SLC16A12: variants seen among roughly 807,000 people sequenced by gnomAD.
SLC16A12 encodes monocarboxylate transporter 12.
Under a neutral mutation model 42.4 loss-of-function variants are expected in SLC16A12, and 17 were observed. The observed-to-expected ratio is 0.40, with a 90% confidence interval of 0.27 to 0.60. The LOEUF (loss-of-function observed/expected upper bound fraction) is 0.60, where lower values mean the gene tolerates loss of function less well. SLC16A12 is among the 20% of genes least tolerant of loss of function. SLC16A12 has a pLI of 0.42. For missense variants in SLC16A12, 544 were observed against 623.0 expected, an observed-to-expected ratio of 0.87 and a Z score of 1.35; for synonymous variants, 224 against 229.4, an observed-to-expected ratio of 0.98 and a Z score of 0.21.
intron 3 of SLC16A12, among the ~76,000 whole-genome samples, chr10:89,447,129 A>G (rs961673320): frequency 6.6e-6 from 1 of 152,194 alleles, no homozygotes; most frequent in Non-Finnish European, 1.5e-5. Context: ...GAGACCTACA[A>G]AGAGACTTAG....
intron 4 of SLC16A12, among the ~76,000 whole-genome samples, chr10:89,442,853 G>A (rs1434538946): frequency 1.3e-5 from 2 of 152,122 alleles, no homozygotes; most frequent in Non-Finnish European, 2.9e-5. Flanking sequence ...GTTATTATGA[G>A]TTACTGAATA....
At chr10:89,459,105 T>C (rs1262277109) in intron 3 of SLC16A12, among the ~76,000 whole-genome samples, 1 of 152,216 alleles carries the variant, frequency 6.6e-6, no homozygotes, top group Non-Finnish European at 1.5e-5. Flanking sequence ...TGCACTAAGA[T>C]ATACATTTTA....
At chr10:89,517,978 C>T (rs1403896183) in intron 2 of SLC16A12, among the ~76,000 whole-genome samples, 2 of 152,074 alleles carry the variant, frequency 1.3e-5, no homozygotes, top group African/African-American at 2.4e-5. Flanking sequence ...AAAAAGGGCA[C>T]CTTAGACTTG....
At chr10:89,451,419 T>TC (rs1214795386) in intron 3 of SLC16A12, among the ~76,000 whole-genome samples, 2 of 150,682 alleles carry the variant, frequency 1.3e-5, no homozygotes, top group African/African-American at 2.4e-5. Context: ...TGACTGAACT[T>TC]TTTTTTTTTG....
chr10:89,460,069 T>C (rs1176653314), intron 3 of SLC16A12, among the ~76,000 whole-genome samples: 2 of 152,154 alleles, frequency 1.3e-5, no homozygotes, highest in Non-Finnish European at 2.9e-5. Context: ...TATCTTAGTA[T>C]CTCATCTAAA....
chr10:89,521,386 T>C (rs1843352748), intron 2 of SLC16A12, among the ~76,000 whole-genome samples: 1 of 152,248 alleles, frequency 6.6e-6, no homozygotes, highest in Non-Finnish European at 1.5e-5. Context: ...CATATCTTCA[T>C]ATGTGGGGCT....
intron 2 of SLC16A12, among the ~76,000 whole-genome samples, chr10:89,513,356 T>G (rs1221022506): frequency 6.6e-6 from 1 of 152,238 alleles, no homozygotes; most frequent in Non-Finnish European, 1.5e-5. Context: ...ACAGTTACGT[T>G]GTCTCTGATT....
chr10:89,529,155 T>G (rs1469270885), intron 2 of SLC16A12, among the ~76,000 whole-genome samples: 1 of 152,194 alleles, frequency 6.6e-6, no homozygotes, highest in Non-Finnish European at 1.5e-5. Context: ...TCGGGGGCTA[T>G]GAATGTGGTT....
chr10:89,452,532 C>T (rs1842110644), intron 3 of SLC16A12, among the ~76,000 whole-genome samples: 1 of 152,084 alleles, frequency 6.6e-6, no homozygotes, highest in African/African-American at 2.4e-5. Context: ...AAGGAAGAAG[C>T]TTTCTATTTT....
upstream of SLC16A12, among the ~76,000 whole-genome samples, chr10:89,536,360 G>A (rs73363825): frequency 0.067 from 10,184 of 152,102 alleles, 463 homozygotes; most frequent in African/African-American, 0.13. Context: ...AAGGACCTGG[G>A]TTCAACGCAT....
At chr10:89,485,114 G>A (rs1444190415) in intron 2 of SLC16A12, among the ~76,000 whole-genome samples, 3 of 152,192 alleles carry the variant, frequency 2.0e-5, no homozygotes, top group Non-Finnish European at 4.4e-5. Flanking sequence ...AGTTTCCTAT[G>A]GATCAGTCGT....
chr10:89,509,144 A>AC (rs1018401387), intron 2 of SLC16A12, among the ~76,000 whole-genome samples: 25 of 152,312 alleles, frequency 1.6e-4, no homozygotes, highest in African/African-American at 6.0e-4. Context: ...AGACAGATTC[A>AC]CAGCCGAATT....
chr10:89,459,187 G>A (rs1736523879), intron 3 of SLC16A12, among the ~76,000 whole-genome samples: 1 of 152,154 alleles, frequency 6.6e-6, no homozygotes, highest in Non-Finnish European at 1.5e-5. Flanking sequence ...AAGAGGGCCT[G>A]TGTAAGAGTA....
rs77080835 is a variant in SLC16A12 at position 89,490,604 on chromosome 10, G to T, written c.-46-27980C>A. Among the ~76,000 whole-genome samples, 6 of 152,266 alleles carry T rather than the reference G, an allele frequency of 3.9e-5. No individual in the cohort carries two copies. The East Asian group carries it at 1.2e-3, about 29-fold the overall frequency. On this transcript the variant is annotated intron_variant, in intron 2 of 7. Coordinates refer to ENST00000371790, the MANE Select transcript of SLC16A12 (RefSeq NM_213606.4). The stretch of plus-strand genomic sequence containing the variant: ...ATATGGAAGAGAAGCATAAGGCAAG[G>T]TATGGGGGGCCGGGATTGGGAACGC...
At chr10:89,486,554 T>G (rs577211649) in intron 2 of SLC16A12, among the ~76,000 whole-genome samples, 3 of 133,932 alleles carry the variant, frequency 2.2e-5, no homozygotes, top group Non-Finnish European at 4.6e-5. Flanking sequence ...ATCAAGCCAC[T>G]GTACTCCAGC....
At chr10:89,542,496 GT>G (rs968857422) in intron 2 of SLC16A12, among the ~76,000 whole-genome samples, 1 of 151,824 alleles carries the variant, frequency 6.6e-6, no homozygotes, top group Admixed American at 6.6e-5. Flanking sequence ...TAGAGATAGG[GT>G]TTCACCATGT....
chr10:89,542,791 C>T (rs1302980647), intron 2 of SLC16A12, among the ~76,000 whole-genome samples: 1 of 152,166 alleles, frequency 6.6e-6, no homozygotes, highest in Admixed American at 6.5e-5. Context: ...CTGGCCATTC[C>T]TATTCCCCAT....
chr10:89,532,506 A>T (rs1014833814), intron 2 of SLC16A12, among the ~76,000 whole-genome samples: 16 of 152,236 alleles, frequency 1.1e-4, no homozygotes, highest in Non-Finnish European at 2.9e-5. Context: ...AGTTTTCATC[A>T]ATTAAATTAT....
At chr10:89,542,306 CT>C (rs200847363) in intron 2 of SLC16A12, among the ~76,000 whole-genome samples, 105 of 136,956 alleles carry the variant, frequency 7.7e-4, no homozygotes, top group Middle Eastern at 3.8e-3. Flanking sequence ...CTTTTTTTTT[CT>C]TTTTTTTTTT....
Sources: allele counts gnomAD v4.1 joint callset (sites outside exome capture counted in the v4.1 genomes callset), GRCh38; gene constraint gnomAD v4.1.1; transcripts MANE v1.5; gene names NCBI Gene and HGNC (gene_info 2026-07-23, HGNC 2026-07-21).